FSIP1: variants seen among roughly 807,000 people sequenced by gnomAD.
FSIP1 encodes fibrous sheath-interacting protein 1.
FSIP1 carries 65 observed loss-of-function variants against 60.9 expected under a neutral mutation model. The observed-to-expected ratio is 1.07, with a 90% CI of 0.87 to 1.31. FSIP1 has a LOEUF of 1.31. Ranked by LOEUF, FSIP1 falls within the 40% of genes most tolerant of loss-of-function variation. The pLI is 0.00. For synonymous variants in FSIP1, 209 were observed against 221.2 expected, an observed-to-expected ratio of 0.94 and a Z score of 0.49; for missense variants, 675 against 665.5, an observed-to-expected ratio of 1.01 and a Z score of -0.16.
At chr15:39,780,746 GTTGTTA>G (rs1315069705) in intron 1 of FSIP1, among the ~76,000 whole-genome samples, 15 of 152,170 alleles carry the variant, frequency 9.9e-5, no homozygotes, top group African/African-American at 3.6e-4. Context: ...TCTTTTTGTC[GTTGTTA>G]TTGTTATTGT....
At chr15:39,599,266 C>T (rs570769111), downstream of FSIP1, 23 of 152,278 alleles carry the variant, frequency 1.5e-4, 1 homozygote, top group Non-Finnish European at 2.6e-4. Flanking sequence ...GACTTAGTTA[C>T]CAGTCCTTGT....
intron 1 of FSIP1, among the ~76,000 whole-genome samples, chr15:39,781,442 G>C (rs1566925449): frequency 6.6e-6 from 1 of 151,958 alleles, no homozygotes; most frequent in Non-Finnish European, 1.5e-5. Flanking sequence ...TTTACCATAT[G>C]ACTCCACAAT....
intron 10 of FSIP1, among the ~76,000 whole-genome samples, chr15:39,676,070 G>C (rs745615985): frequency 3.3e-5 from 5 of 151,404 alleles, no homozygotes; most frequent in Admixed American, 6.6e-5. Context: ...CTACTTGAAA[G>C]GCTGAGGCAG....
At chr15:39,763,578 C>G (rs1897577868) in intron 5 of FSIP1, among the ~76,000 whole-genome samples, 1 of 152,134 alleles carries the variant, frequency 6.6e-6, no homozygotes, top group Non-Finnish European at 1.5e-5. Flanking sequence ...TTGTCTATTT[C>G]CCAGTTTGTC....
chr15:39,640,755 T>C (rs994205919), intron 10 of FSIP1, among the ~76,000 whole-genome samples: 1 of 149,564 alleles, frequency 6.7e-6, no homozygotes, highest in South Asian at 2.1e-4. Context: ...GGAAATGACA[T>C]ACAGAAATTG....
intron 2 of FSIP1, among the ~76,000 whole-genome samples, chr15:39,772,214 C>T (rs1175695555): frequency 1.3e-5 from 2 of 152,180 alleles, no homozygotes; most frequent in African/African-American, 4.8e-5. Flanking sequence ...TATTCCTAAC[C>T]CCCTGCTCTT....
chr15:39,650,043 G>A (rs1038507864), intron 10 of FSIP1, among the ~76,000 whole-genome samples: 5 of 152,018 alleles, frequency 3.3e-5, no homozygotes, highest in Admixed American at 2.0e-4. Context: ...CCTTATCCTC[G>A]GGATTCCCCA....
intron 10 of FSIP1, among the ~76,000 whole-genome samples, chr15:39,653,651 G>C (rs1892962219): frequency 6.6e-6 from 1 of 152,150 alleles, no homozygotes; most frequent in South Asian, 2.1e-4. Flanking sequence ...CATGGGGTCA[G>C]GTCTTTCCCA....
chr15:39,648,305 TTAATA>T (rs752629751), intron 10 of FSIP1, among the ~76,000 whole-genome samples: 2 of 152,176 alleles, frequency 1.3e-5, no homozygotes, highest in African/African-American at 4.8e-5. Context: ...AGTCTCTACC[TTAATA>T]TAAGATATTT....
At chr15:39,696,181 A>G (rs1349005835) in intron 10 of FSIP1, among the ~76,000 whole-genome samples, 1 of 152,228 alleles carries the variant, frequency 6.6e-6, no homozygotes, top group African/African-American at 2.4e-5. Flanking sequence ...AAAACTTTTC[A>G]ATATTGTAGA....
At chr15:39,724,966 C>T (rs1377546332) in intron 9 of FSIP1, among the ~76,000 whole-genome samples, 2 of 152,200 alleles carry the variant, frequency 1.3e-5, no homozygotes, top group East Asian at 1.9e-4. Flanking sequence ...GATGCAGTGG[C>T]TCATGCCTGT....
chr15:39,762,154 G>A (rs1317883841), intron 5 of FSIP1, among the ~76,000 whole-genome samples: 1 of 152,132 alleles, frequency 6.6e-6, no homozygotes, highest in African/African-American at 2.4e-5. Flanking sequence ...GGTTTCCTAG[G>A]GCTGCTATAA....
chr15:39,664,250 A>T (rs1382493457), intron 10 of FSIP1, among the ~76,000 whole-genome samples: 1 of 152,230 alleles, frequency 6.6e-6, no homozygotes, highest in Admixed American at 6.5e-5. Flanking sequence ...AAAGTGAGTG[A>T]GTCATATTTT....
At chr15:39,704,021 TTA>T (rs1215424694) in intron 10 of FSIP1, among the ~76,000 whole-genome samples, 2 of 152,212 alleles carry the variant, frequency 1.3e-5, no homozygotes, top group Non-Finnish European at 2.9e-5. Context: ...TCTGAAAATT[TTA>T]TGTTCTACTT....
chr15:39,650,419 T>C (rs1003224520), intron 10 of FSIP1, among the ~76,000 whole-genome samples: 4 of 152,232 alleles, frequency 2.6e-5, no homozygotes, highest in Non-Finnish European at 5.9e-5. Context: ...TTTCTATACA[T>C]CTTTGTCCTT....
At chr15:39,733,720 G>A (rs763972882) in intron 8 of FSIP1, among the ~76,000 whole-genome samples, 3 of 152,090 alleles carry the variant, frequency 2.0e-5, no homozygotes, top group Admixed American at 6.5e-5. Flanking sequence ...AAGCCTCAGA[G>A]GACAGTCTCT....
intron 5 of FSIP1, among the ~76,000 whole-genome samples, chr15:39,752,256 G>C (rs533223991): frequency 9.8e-4 from 149 of 151,868 alleles, no homozygotes; most frequent in Non-Finnish European, 1.7e-3. Flanking sequence ...AGTCCATCTT[G>C]AGTTGATTTC....
chr15:39,677,226 A>G (rs1893979014), intron 10 of FSIP1, among the ~76,000 whole-genome samples: 1 of 152,358 alleles, frequency 6.6e-6, no homozygotes, highest in Middle Eastern at 3.4e-3. Flanking sequence ...TTCTTTTCAG[A>G]AAAGTATTCC....
At chr15:39,611,578 T>C (rs1891035502) in intron 11 of FSIP1, among the ~76,000 whole-genome samples, 1 of 152,082 alleles carries the variant, frequency 6.6e-6, no homozygotes, top group African/African-American at 2.4e-5. Flanking sequence ...CAAAGGAAAG[T>C]AGCAAGAGAG....
Sources: allele counts gnomAD v4.1 joint callset (sites outside exome capture counted in the v4.1 genomes callset), GRCh38; gene constraint gnomAD v4.1.1; transcripts MANE v1.5; gene names NCBI Gene and HGNC (gene_info 2026-07-23, HGNC 2026-07-21).